HTR7: variants seen among roughly 807,000 people sequenced by gnomAD.
HTR7 encodes the protein 5-HT-7.
In HTR7, 16 loss-of-function variants were observed where a neutral mutation model predicts 34.0. That is an observed-to-expected ratio of 0.47 (90% CI 0.32 to 0.71). HTR7 has a LOEUF of 0.71. HTR7 is among the 30% of genes least tolerant of loss of function. The pLI, the probability that HTR7 is intolerant of heterozygous loss-of-function variation, is 0.04. For synonymous variants in HTR7, 265 were observed against 260.2 expected (o/e 1.02, Z -0.18); for missense variants, 504 against 625.5 (o/e 0.81, Z 2.07).
intron 1 of HTR7, among the ~76,000 whole-genome samples, chr10:90,781,142 A>AATC (rs1373758772): frequency 2.0e-5 from 3 of 152,232 alleles, no homozygotes; most frequent in African/African-American, 7.2e-5. Context: ...TCTTAGAAGT[A>AATC]ATCATTGTTA....
chr10:90,833,309 C>T (rs565584041), intron 1 of HTR7, among the ~76,000 whole-genome samples: 1 of 152,192 alleles, frequency 6.6e-6, no homozygotes, highest in South Asian at 2.1e-4. Context: ...AAAGAGGATA[C>T]ATGATTTACC....
At chr10:90,802,996 CT>C (rs35715510) in intron 1 of HTR7, among the ~76,000 whole-genome samples, 218 of 89,008 alleles carry the variant, frequency 2.4e-3, no homozygotes, top group East Asian at 4.3e-3. Flanking sequence ...CATTTGTGGC[CT>C]TTTTTTTTTT....
intron 1 of HTR7, among the ~76,000 whole-genome samples, chr10:90,809,698 A>C (rs1249015496): frequency 2.0e-5 from 3 of 152,226 alleles, no homozygotes; most frequent in Non-Finnish European, 4.4e-5. Flanking sequence ...GGAGCTTGCT[A>C]CAAGTGCCAG....
Position 90,741,386 on chromosome 10 carries a change from A to G in HTR7, c.*1096T>C, listed in dbSNP as rs1844539711. 1 of 152,520 alleles carries G rather than the reference A, an allele frequency of 6.6e-6. No homozygotes were observed. Among genetic ancestry groups the G allele is most frequent in the African/African-American group, 2.4e-5 (1 of 41,432 alleles). 9.4% of individuals were successfully genotyped at this position (152,520 alleles called of 1,614,324 possible). On this transcript the variant is annotated 3_prime_UTR_variant, in exon 4 of 4. Coordinates refer to ENST00000336152, the MANE Select transcript of HTR7 (RefSeq NM_019859.4). ...GGTGGGTAGGGGTGGGAATCAGAGG[A>G]CAGAATTGCTTAGGCACACATTTGA...
intron 1 of HTR7, among the ~76,000 whole-genome samples, chr10:90,762,283 C>T (rs1432275203): frequency 1.3e-5 from 2 of 152,176 alleles, no homozygotes; most frequent in Non-Finnish European, 2.9e-5. Context: ...TTCTCAGCAT[C>T]CTCACGAACA....
Position 90,857,252 on chromosome 10 carries a change from G to A in HTR7, c.420C>T (p.Val140=). ...TCCACTTGCCCCCGATGAGGTCGGT[G>A]ACGCTGACGAAGGGCATGACCGCCA... ...VAVAVMPFVS[V]TDLIGGKWIF... is the part of the protein sequence containing the mutation. The change falls in exon 1 of 4, where the codon GTC becomes GTT. Residue 140 remains valine (V), a synonymous_variant. Coordinates refer to ENST00000336152, the MANE Select transcript of HTR7 (RefSeq NM_019859.4). This position sits in a 1 kb window ranked among gnomAD's most constrained non-coding sequence, Gnocchi z 6.5. The A allele has an allele frequency of 1.9e-6, 3 of 1,614,140 alleles. No homozygotes were observed. Among genetic ancestry groups the A allele is most frequent in the Non-Finnish European group, 2.5e-6 (3 of 1,180,028 alleles).
intron 1 of HTR7, among the ~76,000 whole-genome samples, chr10:90,816,826 G>T (rs563744943): frequency 3.9e-5 from 6 of 152,328 alleles, no homozygotes; most frequent in Admixed American, 1.3e-4. Flanking sequence ...GCGGGCACAT[G>T]AAACTGTTAG....
At chr10:90,798,809 T>C (rs1015090249) in intron 1 of HTR7, among the ~76,000 whole-genome samples, 3 of 152,212 alleles carry the variant, frequency 2.0e-5, no homozygotes, top group African/African-American at 7.2e-5. Flanking sequence ...TTCCTGGGTG[T>C]AGGCTGAATC....
intron 1 of HTR7, among the ~76,000 whole-genome samples, chr10:90,757,183 G>A (rs1277213559): frequency 6.6e-6 from 1 of 152,202 alleles, no homozygotes; most frequent in African/African-American, 2.4e-5. Context: ...ATGGTTCTGT[G>A]TGGCTTTCAA....
chr10:90,817,537 C>T (rs987268007), intron 1 of HTR7, among the ~76,000 whole-genome samples: 1 of 152,174 alleles, frequency 6.6e-6, no homozygotes, highest in Non-Finnish European at 1.5e-5. Flanking sequence ...ACTAACTAAA[C>T]TCTCATAAGT....
chr10:90,830,034 T>C (rs1022232948), intron 1 of HTR7, among the ~76,000 whole-genome samples: 1 of 152,158 alleles, frequency 6.6e-6, no homozygotes, highest in Admixed American at 6.5e-5. Flanking sequence ...TTCAATGCAA[T>C]CCATATCAAA....
intron 1 of HTR7, among the ~76,000 whole-genome samples, chr10:90,770,488 G>C (rs1196122593): frequency 6.6e-6 from 1 of 152,160 alleles, no homozygotes; most frequent in African/African-American, 2.4e-5. Flanking sequence ...TGTATCCTCA[G>C]GGGCCCAGAA....
intron 1 of HTR7, among the ~76,000 whole-genome samples, chr10:90,759,005 T>C (rs1392505347): frequency 2.0e-5 from 3 of 151,518 alleles, no homozygotes; most frequent in African/African-American, 4.9e-5. Flanking sequence ...CTGACCAACA[T>C]GGAGAAACCC....
chr10:90,802,217 T>A (rs1845638772), intron 1 of HTR7, among the ~76,000 whole-genome samples: 1 of 152,224 alleles, frequency 6.6e-6, no homozygotes, highest in Non-Finnish European at 1.5e-5. Flanking sequence ...TTCTAGTCTC[T>A]GCCATCCAGA....
At chr10:90,757,454 G>C (rs966356787) in intron 1 of HTR7, among the ~76,000 whole-genome samples, 1 of 152,210 alleles carries the variant, frequency 6.6e-6, no homozygotes, top group Non-Finnish European at 1.5e-5. Context: ...CCTGAGCTTA[G>C]CGGGATGTTG....
At chr10:90,839,844 A>G (rs1160153228) in intron 1 of HTR7, among the ~76,000 whole-genome samples, 5 of 152,172 alleles carry the variant, frequency 3.3e-5, no homozygotes, top group Non-Finnish European at 7.3e-5. Flanking sequence ...TAAATGACTC[A>G]TATCTCTTTC....
At chr10:90,755,411 T>A (rs757838956) in intron 1 of HTR7, among the ~76,000 whole-genome samples, 9 of 152,236 alleles carry the variant, frequency 5.9e-5, no homozygotes, top group Non-Finnish European at 1.2e-4. Context: ...AATAAACTGA[T>A]ATGTGTGTAT....
chr10:90,811,678 T>C (rs1156428563), intron 1 of HTR7, among the ~76,000 whole-genome samples: 1 of 151,890 alleles, frequency 6.6e-6, no homozygotes, highest in Admixed American at 6.6e-5. Flanking sequence ...TCAGGCCCCC[T>C]CTCTTCCCTA....
intron 1 of HTR7, among the ~76,000 whole-genome samples, chr10:90,797,895 G>A (rs1238864183): frequency 6.6e-6 from 1 of 152,214 alleles, no homozygotes; most frequent in African/African-American, 2.4e-5. Context: ...TCTGGCAAGA[G>A]CCTTTCTGCT....
Sources: allele counts gnomAD v4.1 joint callset (sites outside exome capture counted in the v4.1 genomes callset), GRCh38; gene constraint gnomAD v4.1.1; non-coding constraint Gnocchi (gnomAD v3.1); transcripts MANE v1.5; gene names NCBI Gene and HGNC (gene_info 2026-07-23, HGNC 2026-07-21).